Variants in SEC31B observed in about 807,000 individuals in gnomAD.
SEC31B encodes the protein SEC31 homolog B, COPII component.
A neutral mutation model predicts 135.0 loss-of-function variants in SEC31B; 113 were observed. The ratio of observed to expected loss-of-function variants is 0.84; its 90% confidence interval spans 0.72 to 0.98. The LOEUF (loss-of-function observed/expected upper bound fraction) is 0.98, where lower values mean the gene tolerates loss of function less well. SEC31B is among the 50% of genes least tolerant of loss of function. The pLI is 0.00. For missense variants in SEC31B, 1,296 were observed against 1,421.1 expected, an observed-to-expected ratio of 0.91 and a Z score of 1.42; for synonymous variants, 508 against 549.4, an observed-to-expected ratio of 0.92 and a Z score of 1.05.
Position 100,495,545 on chromosome 10 carries a change from G to A in SEC31B, c.2312C>T (p.Pro771Leu). ...MSFLPRDCAQ[P>L]PVQQLRDRLF... ...CCGATCTCTTAGCTGCTGAACTGGT[G>A]GCTATAAGTTTTAATGAGGAAGAGC... Residue 771 changes from proline (P) to leucine (L), a missense_variant and splice_region_variant, in exon 19 of 26, where the codon CCA becomes CTA. By Grantham distance (98) the Pro-to-Leu change is moderately conservative. Coordinates refer to ENST00000370345, the MANE Select transcript of SEC31B (RefSeq NM_015490.4). 6.2e-7 allele frequency: 1 copy of A among 1,612,010 alleles called. No individual in the cohort carries two copies. Among genetic ancestry groups the A allele is most frequent in the African/African-American group, 1.3e-5 (1 of 75,008 alleles).
Position 100,487,519 on chromosome 10 carries a change from G to A in SEC31B, c.*97C>T. On this transcript the variant is annotated 3_prime_UTR_variant, in exon 26 of 26. Coordinates refer to ENST00000370345, the MANE Select transcript of SEC31B (RefSeq NM_015490.4). ...TACCTGGCAGCAAGGAAAAGAGTCG[G>A]GAAAAAGAAACAGAATCTGTTGCAG... 1 of 1,210,836 alleles carries A rather than the reference G, an allele frequency of 8.3e-7. No homozygotes were observed. The highest frequency in any genetic ancestry group is 1.4e-5 in the South Asian group (1 of 71,982). 75.0% of individuals were successfully genotyped at this position (1,210,836 alleles called of 1,614,324 possible).
chr10:100,499,385 A>G, intron 12 of SEC31B, 127 bp from the exon 13 acceptor site: 2 of 1,116,952 alleles, frequency 1.8e-6, no homozygotes, highest in Non-Finnish European at 2.6e-6. Context: ...TTTTCTGAGA[A>G]AAAAACAAAC....
chr10:100,500,605 CGCACCCA>C (rs1184061735), intron 11 of SEC31B, among the ~76,000 whole-genome samples: 2 of 152,050 alleles, frequency 1.3e-5, no homozygotes, highest in Non-Finnish European at 2.9e-5. Flanking sequence ...CGTGAGCCAC[CGCACCCA>C]GCCTTGTGAG....
intron 17 of SEC31B, 76 bp downstream of exon 17, chr10:100,497,059 T>C (rs367652402): frequency 6.4e-7 from 1 of 1,560,006 alleles, no homozygotes; most frequent in Non-Finnish European, 8.8e-7. Context: ...TCGCCTCTGC[T>C]AGCTCTGCAC....
In SEC31B at chr10:100,516,914, T is replaced by C. The variant is rs751558740; in HGVS notation, c.39A>G (p.Ala13=). 1 of 1,614,150 alleles carries C rather than the reference T, an allele frequency of 6.2e-7. No homozygotes were observed. The highest frequency in any genetic ancestry group is 8.5e-7 in the Non-Finnish European group (1 of 1,180,016). The part of the protein sequence containing the change: ...LKELERPAVQ[A]WSPASQYPLY... ...AAGGGTATTGGCTGGCTGGGCTCCA[T>C]GCCTGGACAGCTGGCCGCTCAAGTT... Residue 13 remains alanine, a synonymous_variant, in exon 2 of 26, where the codon GCA becomes GCG. Transcript: ENST00000370345.
At chr10:100,501,667 G>T (rs1201618680) in intron 11 of SEC31B, 1 of 152,424 alleles carries the variant, frequency 6.6e-6, no homozygotes. Flanking sequence ...TCTTCCTTCA[G>T]ATCTCTCACT....
chr10:100,508,769 C>A, intron 5 of SEC31B: 1 of 558,932 alleles, frequency 1.8e-6, no homozygotes. Context: ...CTTTCATCTG[C>A]CTCCCAGAAA....
At chr10:100,497,950 T>C (rs376825427) in intron 15 of SEC31B, 79 bp downstream of exon 15, 29 of 1,582,246 alleles carry the variant, frequency 1.8e-5, no homozygotes, top group Middle Eastern at 1.7e-4. Flanking sequence ...TACTCAAACA[T>C]GGGTCCCAAG....
chr10:100,489,893 C>T, intron 21 of SEC31B, 115 bp downstream of exon 21: 1 of 1,541,064 alleles, frequency 6.5e-7, no homozygotes, highest in Admixed American at 2.1e-5. Flanking sequence ...ACACTCCCAG[C>T]CACCCTCCAC....
chr10:100,506,135 A>G lies in SEC31B; in HGVS notation c.949T>C (p.Ser317Pro). The G allele has an allele frequency of 3.1e-6, 5 of 1,614,242 alleles. No homozygotes were observed. The highest frequency in any genetic ancestry group is 4.2e-6 in the Non-Finnish European group (5 of 1,180,042). The change falls in exon 9 of 26, where the codon TCA becomes CCA. Residue 317 changes from serine (S) to proline (P), a missense_variant. Physicochemically the swap from Ser to Pro is moderately conservative, Grantham distance 74. Transcript: ENST00000370345. Reference sequence around the variant, plus strand: ...TTGAAGGAGGCAGCAGAGAACACTGAAGGGTCCCGAGGGCACCACTGCACA... The same window carrying G: ...TTGAAGGAGGCAGCAGAGAACACTGGAGGGTCCCGAGGGCACCACTGCACA... ...FDVQWCPRDP[S>P]VFSAASFNGW... is the part of the protein sequence containing the mutation.
At chr10:100,488,715 T>G (rs766779497) in intron 24 of SEC31B, 143 bp downstream of exon 24, 579 of 1,158,784 alleles carry the variant, frequency 5.0e-4, no homozygotes, top group Non-Finnish European at 6.1e-4. Context: ...CAGCTCCACA[T>G]GGACGTCAAT....
chr10:100,498,899 T>C, intron 13 of SEC31B, 95 bp from the exon 14 acceptor site: 3 of 982,812 alleles, frequency 3.1e-6, no homozygotes, highest in Non-Finnish European at 4.7e-6. Flanking sequence ...TATTTGGCCG[T>C]TAATGGGTAA....
rs1431470293 is a variant in SEC31B at position 100,490,810 on chromosome 10, T to A, written c.2546A>T (p.His849Leu). The A allele has an allele frequency of 6.2e-7, 1 of 1,609,252 alleles. No homozygotes were observed. The highest frequency in any genetic ancestry group is 1.7e-5 in the Admixed American group (1 of 59,894). The change falls in exon 20 of 26, where the codon CAT becomes CTT. Residue 849 changes from histidine (H) to leucine (L), a missense_variant. Transcript: ENST00000370345. ...SSPAMPLAPS[H>L]PSPYQGPRTQ... ...CCTGGGACCCTGATAAGGGCTAGGA[T>A]GGGAAGGTGCCAAGGGCATCGCTGG...
chr10:100,505,634 T>C, intron 9 of SEC31B, 139 bp from the exon 10 acceptor site: 1 of 1,441,604 alleles, frequency 6.9e-7, no homozygotes. Context: ...TTCCAGGGGA[T>C]GGGGAAGTGA....
Position 100,487,814 on chromosome 10 carries a change from T to C in SEC31B, c.3361-19A>G. 2 of 1,613,274 alleles carry C rather than the reference T, an allele frequency of 1.2e-6. No homozygotes were observed. Among genetic ancestry groups the C allele is most frequent in the Non-Finnish European group, 1.7e-6 (2 of 1,179,818 alleles). On this transcript the variant is annotated intron_variant, in intron 25 of 25. Transcript: ENST00000370345. ...GTGAGAGCTGTGGAGGGAATGACCC[T>C]TAGGTTAGTGAGCCCAACCCAGCTC...
chr10:100,499,422 C>A, intron 12 of SEC31B, 102 bp downstream of exon 12: 1 of 1,122,972 alleles, frequency 8.9e-7, no homozygotes, highest in Non-Finnish European at 1.3e-6. Context: ...CTCACATATG[C>A]AATAATAAGG....
intron 10 of SEC31B, 32 bp downstream of exon 10, chr10:100,505,329 C>CAA: frequency 6.4e-7 from 1 of 1,563,824 alleles, no homozygotes; most frequent in Non-Finnish European, 8.7e-7. Flanking sequence ...CACACACAAA[C>CAA]ACACACACAC....
chr10:100,518,347 G>T (rs1322125906), intron 1 of SEC31B, among the ~76,000 whole-genome samples: 1 of 150,586 alleles, frequency 6.6e-6, no homozygotes, highest in African/African-American at 2.5e-5. Context: ...GACATGACTG[G>T]CTCCTTATAT....
intron 23 of SEC31B, 135 bp from the exon 24 acceptor site, chr10:100,489,109 C>A: frequency 6.8e-7 from 1 of 1,460,040 alleles, no homozygotes. Flanking sequence ...AGCAGCCTCC[C>A]TTTCTCTGCA....
Sources: gnomAD v4.1 joint callset for allele counts (sites outside exome capture counted in the v4.1 genomes callset) on GRCh38, gnomAD v4.1.1 for gene constraint, MANE v1.5 for transcripts, NCBI Gene and HGNC (gene_info 2026-07-23, HGNC 2026-07-21) for gene names.